CCDC187: variants seen among roughly 807,000 people sequenced by gnomAD.
CCDC187 encodes the protein coiled-coil domain-containing protein 187.
A neutral mutation model predicts 38.0 loss-of-function variants in CCDC187; 32 were observed. That is an observed-to-expected ratio of 0.84 (90% confidence interval 0.64 to 1.13). CCDC187 has a LOEUF of 1.13. CCDC187 is among the 50% of genes most tolerant of loss of function. The pLI, the probability that CCDC187 is intolerant of heterozygous loss-of-function variation, is 0.00. For synonymous variants in CCDC187, 333 were observed against 347.9 expected (o/e 0.96, Z 0.48); for missense variants, 707 against 786.8 (o/e 0.90, Z 1.21).
intron 14 of CCDC187, among the ~76,000 whole-genome samples, chr9:136,271,309 G>T (rs868958842): frequency 1.3e-5 from 2 of 152,114 alleles, no homozygotes; most frequent in Admixed American, 6.6e-5. Flanking sequence ...ATCACCTCAG[G>T]TCAGGAGTTC....
rs1043823682 is a variant in CCDC187, at chr9:136,292,041, G to A, written c.967+120C>T. ...GTTTGGAGGGTGTTTGCAGGCTGCT[G>A]TGAGAGGCGCCAACACCTCTTCCTT... On this transcript the variant is annotated intron_variant, in intron 5 of 25. Coordinates refer to ENST00000638797, the MANE Select transcript of CCDC187 (RefSeq NM_001378188.1). 2.5e-5 allele frequency: 10 copies of A among 397,758 alleles called. No individual in the cohort carries two copies. The Admixed American group carries it at 4.4e-4, about 18-fold the overall frequency. 24.6% of individuals were successfully genotyped at this position (397,758 alleles called of 1,614,324 possible).
chr9:136,292,189 C>G lies in CCDC187; in HGVS notation c.939G>C (p.Ser313=), dbSNP rs944932828. 5.0e-6 allele frequency: 2 copies of G among 398,750 alleles called. No homozygotes were observed. The highest frequency in any genetic ancestry group is 4.4e-5 in the Admixed American group (1 of 22,736). The allele number at this position is 398,750 out of a possible 1,614,324, so 24.7% of individuals were successfully genotyped here. ...AGTCCACGGTGAGAGCCGGGTCTCT[C>G]GAGGGATCCTTGCTATGGTGCCTGC... ...VLRRHHSKDP[S]RDPALTVDLG... is the part of the protein sequence containing the mutation. The change falls in exon 5 of 26, where the codon TCG becomes TCC. Residue 313 remains serine, a synonymous_variant. Coordinates refer to ENST00000638797, the MANE Select transcript of CCDC187 (RefSeq NM_001378188.1).
chr9:136,277,406 C>T (rs1276303672), intron 10 of CCDC187, among the ~76,000 whole-genome samples: 1 of 100,760 alleles, frequency 9.9e-6, no homozygotes, highest in Non-Finnish European at 2.0e-5. Flanking sequence ...GGTGGGTGCT[C>T]ACAGGGTGGG....
chr9:136,259,319 A>G (rs1830654116), intron 21 of CCDC187, 44 bp downstream of exon 21: 9 of 924,368 alleles, frequency 9.7e-6, no homozygotes, highest in Non-Finnish European at 1.0e-5. Flanking sequence ...GTGGTCCCTG[A>G]AACAGGCGGT....
chr9:136,283,636 A>C (rs1344870437), intron 9 of CCDC187, among the ~76,000 whole-genome samples: 1 of 152,148 alleles, frequency 6.6e-6, no homozygotes, highest in Non-Finnish European at 1.5e-5. Context: ...CCTGATGGGA[A>C]TGTCTGGGTG....
In CCDC187 at chr9:136,258,041, T is replaced by C. The variant is rs1830635113; in HGVS notation, c.4366+891A>G. ...TGGCCCCCCGAACGGTGACAGCTGGTACACGTGGCCATGCGGCGAGGGAGG... is the reference window on the plus strand; with the variant it reads ...TGGCCCCCCGAACGGTGACAGCTGGCACACGTGGCCATGCGGCGAGGGAGG... On this transcript the variant is annotated intron_variant, in intron 22 of 25. Coordinates refer to ENST00000638797, the MANE Select transcript of CCDC187 (RefSeq NM_001378188.1). The surrounding 1 kb of genome is among the most constrained non-coding windows in gnomAD (Gnocchi z 4.3). Among the ~76,000 whole-genome samples the C allele has an allele frequency of 6.6e-6, 1 of 152,100 alleles. No homozygotes were observed. The highest frequency in any genetic ancestry group is 1.5e-5 in the Non-Finnish European group (1 of 68,006).
intron 4 of CCDC187, among the ~76,000 whole-genome samples, chr9:136,295,098 A>C (rs1172682560): frequency 6.6e-6 from 1 of 152,192 alleles, no homozygotes; most frequent in Admixed American, 6.5e-5. Context: ...TCAGGATTCC[A>C]CTGGCTCAGG....
rs888666291 is a variant in CCDC187, at chr9:136,258,739, C to T, written c.4366+193G>A. 10 of 985,344 alleles carry T rather than the reference C, an allele frequency of 1.0e-5. No homozygotes were observed. The highest frequency in any genetic ancestry group is 8.7e-5 in the African/African-American group (5 of 57,248). The allele number at this position is 985,344 out of a possible 1,614,324, so 61.0% of individuals were successfully genotyped here. On this transcript the variant is annotated intron_variant, in intron 22 of 25. Coordinates refer to ENST00000638797, the MANE Select transcript of CCDC187 (RefSeq NM_001378188.1). The surrounding 1 kb of genome is among the most constrained non-coding windows in gnomAD (Gnocchi z 4.3). ...TCCAGAAGAGCCGCTGCGTCACCTC[C>T]GGTAGGAGATGGAGCCGGCCACTCT...
chr9:136,279,924 T>TTCTTGCCCTCTCCCCC (rs1554763441), intron 10 of CCDC187, among the ~76,000 whole-genome samples: 3 of 152,240 alleles, frequency 2.0e-5, no homozygotes, highest in African/African-American at 7.2e-5. Flanking sequence ...TCCTCTCTCC[T>TTCTTGCCCTCTCCCCC]TCTCGCCCTC....
chr9:136,297,190 T>TGGGTGCCGTGAGTTGC (rs1274875281), intron 4 of CCDC187, among the ~76,000 whole-genome samples: 3 of 150,248 alleles, frequency 2.0e-5, no homozygotes, highest in African/African-American at 7.4e-5. Flanking sequence ...GCGTAGGCTG[T>TGGGTGCCGTGAGTTGC]GGGTGCCGTG....
Position 136,294,158 on chromosome 9 carries a change from ACATT to A in CCDC187, c.833-1867_833-1864del, listed in dbSNP as rs1459990748. ...CACGCCCTCACATGCTCTCACACAC[ACATT>A]CACTCACACGCTCATATACACACGC... On this transcript the variant is annotated intron_variant, in intron 4 of 25. Coordinates refer to ENST00000638797, the MANE Select transcript of CCDC187 (RefSeq NM_001378188.1). 9.6e-5 allele frequency among the ~76,000 whole-genome samples: 14 copies of A among 145,456 alleles called. No individual in the cohort carries two copies. The East Asian group carries it at 2.7e-3, about 28-fold the overall frequency.
chr9:136,253,953 G>A lies in CCDC187; in HGVS notation c.5875C>T (p.Arg1959Trp), dbSNP rs1041098147. 75 of 985,406 alleles carry A rather than the reference G, an allele frequency of 7.6e-5. No homozygotes were observed. The highest frequency in any genetic ancestry group is 1.0e-3 in the Middle Eastern group (2 of 1,938). 61.0% of individuals were successfully genotyped at this position (985,406 alleles called of 1,614,324 possible). The part of the protein sequence containing the change: ...GRLAPPVAES[R>W]APGPGGNGAP... ...CCATTCCCACCAGGCCCAGGCGCCCGGCTCTCAGCTACTGGAGGTGCCAGC... is the reference window on the plus strand; with the variant it reads ...CCATTCCCACCAGGCCCAGGCGCCCAGCTCTCAGCTACTGGAGGTGCCAGC... Residue 1959 changes from arginine to tryptophan, a missense_variant, in exon 26 of 26, where the codon CGG (arginine) becomes TGG (tryptophan). By Grantham distance (101) the Arg-to-Trp change is moderately radical. Coordinates refer to ENST00000638797, the MANE Select transcript of CCDC187 (RefSeq NM_001378188.1).
At chr9:136,287,599 C>T (rs896906753) in intron 7 of CCDC187, among the ~76,000 whole-genome samples, 23 of 152,346 alleles carry the variant, frequency 1.5e-4, no homozygotes, top group Non-Finnish European at 2.8e-4. Context: ...ACCTCCTCGG[C>T]TGCGGCACCC....
chr9:136,272,611 G>A lies in CCDC187; in HGVS notation c.3442+2047C>T, dbSNP rs552385538. ...CCAGCTACTCAGGAGGCTGAGGCAGGAGAATCGCTTGAACCTGCAAGGTGG... is the reference window on the plus strand; with the variant it reads ...CCAGCTACTCAGGAGGCTGAGGCAGAAGAATCGCTTGAACCTGCAAGGTGG... On this transcript the variant is annotated intron_variant, in intron 14 of 25. Coordinates refer to ENST00000638797, the MANE Select transcript of CCDC187 (RefSeq NM_001378188.1). Among the ~76,000 whole-genome samples, 4 of 152,078 alleles carry A rather than the reference G, an allele frequency of 2.6e-5. No individual in the cohort carries two copies. The East Asian group carries it at 7.7e-4, about 29-fold the overall frequency.
At position 136,293,403 on chromosome 9, in the gene CCDC187, A is replaced by ACTC. The variant is rs1831415338; in HGVS notation, c.833-1109_833-1108insGAG. Reference sequence around the variant, plus strand: ...CACACTCACATGCTCACACACTCACAAACACTCACATGCTCACATACTCTC... The same window carrying ACTC: ...CACACTCACATGCTCACACACTCACACTCAACACTCACATGCTCACATACTCTC... On this transcript the variant is annotated intron_variant, in intron 4 of 25. Transcript: ENST00000638797. Among the ~76,000 whole-genome samples, 60 of 78,146 alleles carry ACTC rather than the reference A, an allele frequency of 7.7e-4. 1 individual carries two copies. Among genetic ancestry groups the ACTC allele is most frequent in the African/African-American group, 2.9e-3 (58 of 19,910 alleles). 51.3% of individuals were successfully genotyped at this position (78,146 alleles called of 152,430 possible). A position where few individuals can be genotyped will look rare whatever the true frequency, so the allele number is the denominator to read the frequency against.
intron 8 of CCDC187, 69 bp downstream of exon 8, chr9:136,286,016 C>T (rs1195916485): frequency 5.0e-6 from 2 of 397,634 alleles, no homozygotes; most frequent in African/African-American, 4.1e-5. Flanking sequence ...AAAATGGGGT[C>T]CCCATTCCTC....
rs931949850 is a variant in CCDC187, at chr9:136,301,066, C to T, written c.626-748G>A. ...CACCAGCAGTGAGCCAGGCCCTGCG[C>T]GCCTTCATGCTGTGCCCTGGGTGGG... On this transcript the variant is annotated intron_variant, in intron 2 of 25. Coordinates refer to ENST00000638797, the MANE Select transcript of CCDC187 (RefSeq NM_001378188.1). 5.9e-5 allele frequency among the ~76,000 whole-genome samples: 9 copies of T among 152,320 alleles called. No homozygotes were observed. The East Asian group carries it at 1.4e-3, about 23-fold the overall frequency.
intron 10 of CCDC187, among the ~76,000 whole-genome samples, chr9:136,278,507 G>T (rs1383957768): frequency 1.3e-5 from 2 of 152,324 alleles, no homozygotes; most frequent in African/African-American, 4.8e-5. Context: ...CAATGGGTGA[G>T]GAGCCCCAAA....
At position 136,256,283 on chromosome 9, in the gene CCDC187, G is replaced by C; in HGVS notation, c.4544C>G (p.Ser1515Trp). 1 of 985,578 alleles carries C rather than the reference G, an allele frequency of 1.0e-6. No individual in the cohort carries two copies. The highest frequency in any genetic ancestry group is 1.2e-6 in the Non-Finnish European group (1 of 830,054). 61.1% of individuals were successfully genotyped at this position (985,578 alleles called of 1,614,324 possible). Residue 1515 changes from serine (S) to tryptophan (W), a missense_variant, in exon 24 of 26, where the codon TCG (serine) becomes TGG (tryptophan). Physicochemically the swap from Ser to Trp is radical, Grantham distance 177. Transcript: ENST00000638797. ...EDSMSEEGLE[S>W]GLDFAESPVE... ...GGGGCTCTCAGCAAAATCCAGCCCC[G>C]ATTCCAAGCCCTCTTCGCTCATGCT...
Sources: gnomAD v4.1 joint callset for allele counts (sites outside exome capture counted in the v4.1 genomes callset) on GRCh38, gnomAD v4.1.1 for gene constraint, Gnocchi (gnomAD v3.1) non-coding constraint, MANE v1.5 for transcripts, NCBI Gene and HGNC (gene_info 2026-07-23, HGNC 2026-07-21) for gene names.